Variants in CYP7B1 observed in about 807,000 individuals in gnomAD.
CYP7B1 encodes cytochrome P450 family 7 subfamily B member 1, also known as cytochrome P450 7B1.
Under a neutral mutation model 42.7 loss-of-function variants are expected in CYP7B1, and 29 were observed. That is an observed-to-expected ratio of 0.68 (90% confidence interval 0.51 to 0.93). The LOEUF (loss-of-function observed/expected upper bound fraction) is 0.93, where lower values mean the gene tolerates loss of function less well. Ranked by LOEUF, CYP7B1 falls within the 40% of genes least tolerant of loss-of-function variation. The pLI, the probability that CYP7B1 is intolerant of heterozygous loss-of-function variation, is 0.00. For synonymous variants in CYP7B1, 235 were observed against 218.2 expected (o/e 1.08, Z -0.68); for missense variants, 655 against 600.5 (o/e 1.09, Z -0.95).
intron 1 of CYP7B1, among the ~76,000 whole-genome samples, chr8:64,729,316 A>G (rs1324181557): frequency 6.6e-6 from 1 of 152,230 alleles, no homozygotes; most frequent in Non-Finnish European, 1.5e-5. Flanking sequence ...ATACACAAAC[A>G]TATTCACACA....
rs1174853043 is a variant in CYP7B1 at position 64,624,449 on chromosome 8, T to G, written c.213A>C (p.Lys71Asn). 6.2e-7 allele frequency: 1 copy of G among 1,613,572 alleles called. No homozygotes were observed. Among genetic ancestry groups the G allele is most frequent in the African/African-American group, 1.3e-5 (1 of 74,780 alleles). The change falls in exon 2 of 6, where the codon AAA (lysine) becomes AAC (asparagine). Residue 71 changes from lysine (K) to asparagine (N), a missense_variant. Physicochemically the swap from Lys to Asn is moderately conservative, Grantham distance 94. Coordinates refer to ENST00000310193, the MANE Select transcript of CYP7B1 (RefSeq NM_004820.5). ...TGTCACCATGTTGCTTTTGAAGTGT[T>G]TTCATGAACCTTAAGGGGTCTTTTC... ...NLRKDPLRFM[K>N]TLQKQHGDTF...
chr8:64,617,241 T>G (rs1442689163), intron 2 of CYP7B1, among the ~76,000 whole-genome samples: 1 of 152,192 alleles, frequency 6.6e-6, no homozygotes, highest in East Asian at 1.9e-4. Flanking sequence ...AGATTTTGAT[T>G]CAGAAGGCTT....
At position 64,767,171 on chromosome 8, in the gene CYP7B1, C is replaced by G. The variant is rs146392772; in HGVS notation, c.122+31295G>C. Among the ~76,000 whole-genome samples the G allele has an allele frequency of 1.3e-3, 192 of 152,342 alleles. 2 individuals are homozygous for G. The highest frequency in any genetic ancestry group is 4.4e-3 in the African/African-American group (184 of 41,580). On this transcript the variant is annotated intron_variant, in intron 1 of 5. Transcript: ENST00000310193. ...CATATACAGACTCTAAGTATGCTTA[C>G]CTAATCCTCCATGCCCATGCAGCAA...
chr8:64,639,285 G>A (rs1805819499), intron 1 of CYP7B1, among the ~76,000 whole-genome samples: 1 of 151,964 alleles, frequency 6.6e-6, no homozygotes, highest in African/African-American at 2.4e-5. Flanking sequence ...CTCAGTTATT[G>A]CAACAGGATT....
chr8:64,613,919 G>A (rs1489873239), intron 4 of CYP7B1, among the ~76,000 whole-genome samples: 6 of 152,006 alleles, frequency 3.9e-5, no homozygotes, highest in African/African-American at 1.4e-4. Flanking sequence ...GCTCCTGAAA[G>A]GTCCCATTAA....
chr8:64,726,925 G>A (rs1585879807), intron 1 of CYP7B1, among the ~76,000 whole-genome samples: 1 of 152,110 alleles, frequency 6.6e-6, no homozygotes, highest in African/African-American at 2.4e-5. Context: ...TTTGTGACAA[G>A]GGCAGAAAGT....
At chr8:64,774,165 C>T (rs958523124) in intron 1 of CYP7B1, among the ~76,000 whole-genome samples, 1 of 152,152 alleles carries the variant, frequency 6.6e-6, no homozygotes, top group Non-Finnish European at 1.5e-5. Context: ...AAATTATCAG[C>T]AATTGTTTTT....
intron 1 of CYP7B1, among the ~76,000 whole-genome samples, chr8:64,696,338 C>T (rs530527820): frequency 6.6e-6 from 1 of 152,162 alleles, no homozygotes; most frequent in Non-Finnish European, 1.5e-5. Flanking sequence ...AAACATTTAG[C>T]CTTTATAATG....
At chr8:64,653,786 A>G (rs1286357767) in intron 1 of CYP7B1, among the ~76,000 whole-genome samples, 1 of 152,216 alleles carries the variant, frequency 6.6e-6, no homozygotes, top group East Asian at 1.9e-4. Context: ...CAGTACATCA[A>G]AAAGTTAATA....
At chr8:64,727,459 A>C (rs1247903492) in intron 1 of CYP7B1, among the ~76,000 whole-genome samples, 2 of 152,168 alleles carry the variant, frequency 1.3e-5, no homozygotes, top group Non-Finnish European at 2.9e-5. Flanking sequence ...ATTCTCATGA[A>C]TTAGGTATTC....
chr8:64,774,605 T>G (rs1215440347), intron 1 of CYP7B1, among the ~76,000 whole-genome samples: 1 of 152,160 alleles, frequency 6.6e-6, no homozygotes, highest in Non-Finnish European at 1.5e-5. Flanking sequence ...AACACATAAG[T>G]GTGAACATTG....
intron 1 of CYP7B1, among the ~76,000 whole-genome samples, chr8:64,652,432 A>T (rs1445347202): frequency 6.6e-6 from 1 of 152,220 alleles, no homozygotes; most frequent in East Asian, 1.9e-4. Context: ...AACATAAAAC[A>T]ATCCTCACCA....
At chr8:64,685,607 A>G (rs2129632063) in intron 1 of CYP7B1, among the ~76,000 whole-genome samples, 1 of 25,064 alleles carries the variant, frequency 4.0e-5, no homozygotes, top group South Asian at 1.2e-3. Context: ...CCGTCTGAGA[A>G]GTGAGGAGAC....
chr8:64,746,188 A>G (rs1807640880), intron 1 of CYP7B1, among the ~76,000 whole-genome samples: 2 of 152,178 alleles, frequency 1.3e-5, no homozygotes, highest in African/African-American at 4.8e-5. Context: ...AAAACTGTAT[A>G]GACTTTCATG....
At chr8:64,649,626 A>C (rs1251718245) in intron 1 of CYP7B1, among the ~76,000 whole-genome samples, 1 of 152,196 alleles carries the variant, frequency 6.6e-6, no homozygotes, top group Non-Finnish European at 1.5e-5. Flanking sequence ...ATTTTTCAGC[A>C]TCCTCCATAC....
intron 1 of CYP7B1, among the ~76,000 whole-genome samples, chr8:64,758,806 T>C (rs556508997): frequency 2.0e-5 from 3 of 152,316 alleles, no homozygotes; most frequent in African/African-American, 7.2e-5. Flanking sequence ...GAGTACTGTT[T>C]CAATAGTAAT....
Position 64,737,785 on chromosome 8 carries a change from T to C in CYP7B1, c.122+60681A>G, listed in dbSNP as rs191458560. ...TTTTTTTTCTTCTGACTTGTGTTTTTGTTTGTTTGGTTTTTGTTCTTGGCC... is the reference window on the plus strand; with the variant it reads ...TTTTTTTTCTTCTGACTTGTGTTTTCGTTTGTTTGGTTTTTGTTCTTGGCC... On this transcript the variant is annotated intron_variant, in intron 1 of 5. Transcript: ENST00000310193. 7.9e-5 allele frequency among the ~76,000 whole-genome samples: 12 copies of C among 152,342 alleles called. No homozygotes were observed. The East Asian group carries it at 2.3e-3, about 29-fold the overall frequency.
chr8:64,725,079 G>A (rs2129632946), intron 1 of CYP7B1, among the ~76,000 whole-genome samples: 1 of 152,182 alleles, frequency 6.6e-6, no homozygotes, highest in East Asian at 1.9e-4. Context: ...GGCCTTGTTG[G>A]GTTTCCCCAT....
chr8:64,690,699 C>CA, intron 1 of CYP7B1, among the ~76,000 whole-genome samples: 1 of 152,156 alleles, frequency 6.6e-6, no homozygotes, highest in African/African-American at 2.4e-5. Context: ...TTGTTCTATT[C>CA]AAAAAATATA....
Sources: gnomAD v4.1 joint callset for allele counts (sites outside exome capture counted in the v4.1 genomes callset) on GRCh38, gnomAD v4.1.1 for gene constraint, MANE v1.5 for transcripts, NCBI Gene and HGNC (gene_info 2026-07-23, HGNC 2026-07-21) for gene names.